SIPA1L1: variants seen among roughly 807,000 people sequenced by gnomAD.
The protein encoded by SIPA1L1 is signal induced proliferation associated 1 like 1, also known as signal-induced proliferation-associated 1-like protein 1.
In SIPA1L1, 26 loss-of-function variants were observed where a neutral mutation model predicts 162.7. The ratio of observed to expected loss-of-function variants is 0.16; its 90% CI spans 0.12 to 0.22. The LOEUF (loss-of-function observed/expected upper bound fraction) is 0.22, where lower values mean the gene tolerates loss of function less well. Ranked by LOEUF, SIPA1L1 falls within the 10% of genes least tolerant of loss-of-function variation. The pLI is 1.00. For synonymous variants in SIPA1L1, 829 were observed against 837.4 expected, an observed-to-expected ratio of 0.99 and a Z score of 0.17; for missense variants, 1,874 against 2,241.0, an observed-to-expected ratio of 0.84 and a Z score of 3.31.
intron 2 of SIPA1L1, among the ~76,000 whole-genome samples, chr14:71,446,896 T>TTTTTTTTTTG (rs1414768494): frequency 3.3e-5 from 3 of 91,256 alleles, no homozygotes; most frequent in Non-Finnish European, 5.9e-5. Flanking sequence ...TGGGCTCTGT[T>TTTTTTTTTTG]TTTTTTTTTG....
chr14:71,465,525 A>C (rs914387094), intron 2 of SIPA1L1, among the ~76,000 whole-genome samples: 2 of 152,192 alleles, frequency 1.3e-5, no homozygotes, highest in Non-Finnish European at 2.9e-5. Context: ...GTAGTGTCAA[A>C]TGCATTTATT....
chr14:71,447,325 G>A (rs1362747135), intron 2 of SIPA1L1, among the ~76,000 whole-genome samples: 2 of 152,152 alleles, frequency 1.3e-5, no homozygotes, highest in Admixed American at 6.5e-5. Flanking sequence ...ATAAGAGGCA[G>A]TTTAGATCTA....
At chr14:71,648,373 C>T (rs1481965092) in intron 7 of SIPA1L1, among the ~76,000 whole-genome samples, 1 of 152,144 alleles carries the variant, frequency 6.6e-6, no homozygotes, top group African/African-American at 2.4e-5. Flanking sequence ...GTCAGCTAAG[C>T]AGGGTGCAGG....
intron 4 of SIPA1L1, among the ~76,000 whole-genome samples, chr14:71,562,898 G>A (rs1472060593): frequency 1.3e-5 from 2 of 152,052 alleles, no homozygotes; most frequent in African/African-American, 2.4e-5. Flanking sequence ...CAAGTGATCC[G>A]CCCGCCTCGG....
chr14:71,736,313 C>T (rs1047406593), intron 22 of SIPA1L1, among the ~76,000 whole-genome samples: 6 of 152,366 alleles, frequency 3.9e-5, no homozygotes, highest in African/African-American at 1.4e-4. Context: ...ATGAGAATCA[C>T]TTGAACCCAG....
rs117446116 is a variant in SIPA1L1, at chr14:71,556,254, C to T, written c.-303+26884C>T. Among the ~76,000 whole-genome samples, 195 of 152,276 alleles carry T rather than the reference C, an allele frequency of 1.3e-3. 1 individual carries two copies. In the East Asian group the frequency reaches 0.032, roughly 25 times the overall value. Reference sequence around the variant, plus strand: ...TACTGTTTCAGAAAAACTCTCAAACCGTGTCTTTCCTCTGCTTTCATACCA... The same window carrying T: ...TACTGTTTCAGAAAAACTCTCAAACTGTGTCTTTCCTCTGCTTTCATACCA... On this transcript the variant is annotated intron_variant, in intron 4 of 23. Transcript: ENST00000381232.
chr14:71,715,206 C>G (rs2083175808), intron 17 of SIPA1L1, among the ~76,000 whole-genome samples: 1 of 152,226 alleles, frequency 6.6e-6, no homozygotes, highest in African/African-American at 2.4e-5. Context: ...AGATTTGGAG[C>G]CTGAGACCCT....
At chr14:71,657,628 G>C (rs932753867) in intron 8 of SIPA1L1, among the ~76,000 whole-genome samples, 19 of 150,630 alleles carry the variant, frequency 1.3e-4, no homozygotes, top group African/African-American at 3.9e-4. Context: ...AGACGTTGCT[G>C]TGTCAACTTT....
intron 5 of SIPA1L1, among the ~76,000 whole-genome samples, chr14:71,608,772 G>A (rs1470591903): frequency 6.6e-6 from 1 of 152,040 alleles, no homozygotes; most frequent in Non-Finnish European, 1.5e-5. Flanking sequence ...GTGCATGCCT[G>A]TAATCCCAGC....
At chr14:71,356,625 A>C (rs565597183) in intron 2 of SIPA1L1, among the ~76,000 whole-genome samples, 2 of 146,456 alleles carry the variant, frequency 1.4e-5, no homozygotes, top group East Asian at 4.1e-4. Context: ...AGGCTGAGGC[A>C]GGAGGATCGC....
chr14:71,555,670 T>A (rs1289744323), intron 4 of SIPA1L1, among the ~76,000 whole-genome samples: 1 of 152,232 alleles, frequency 6.6e-6, no homozygotes, highest in Non-Finnish European at 1.5e-5. Context: ...CTAAGCTTAA[T>A]CATTTCTAGC....
In SIPA1L1 at chr14:71,537,531, G is replaced by C. The variant is rs76599843; in HGVS notation, c.-303+8161G>C. ...AGTTTACTACTTCTACACGAAGACA[G>C]ACTGATAGGTTTTTATTTTAGATAA... On this transcript the variant is annotated intron_variant, in intron 4 of 23. Coordinates refer to ENST00000381232, the MANE Select transcript of SIPA1L1 (RefSeq NM_001386936.1). 6.1e-3 allele frequency among the ~76,000 whole-genome samples: 933 copies of C among 152,292 alleles called. 12 individuals are homozygous for C. Among genetic ancestry groups the C allele is most frequent in the African/African-American group, 0.022 (901 of 41,562 alleles).
intron 7 of SIPA1L1, among the ~76,000 whole-genome samples, chr14:71,641,249 A>G (rs1164794643): frequency 6.6e-6 from 1 of 152,014 alleles, no homozygotes; most frequent in Non-Finnish European, 1.5e-5. Flanking sequence ...GATAAAAACA[A>G]GGAGTTCTGT....
chr14:71,338,914 A>G (rs949987516), intron 2 of SIPA1L1, among the ~76,000 whole-genome samples: 4 of 151,496 alleles, frequency 2.6e-5, no homozygotes, highest in African/African-American at 9.7e-5. Context: ...TTCTTTTTGT[A>G]TTTTTAGCAG....
chr14:71,487,876 A>G (rs1280423324), intron 2 of SIPA1L1, among the ~76,000 whole-genome samples: 2 of 152,252 alleles, frequency 1.3e-5, no homozygotes, highest in African/African-American at 4.8e-5. Flanking sequence ...AATATCTGCT[A>G]TATGCTGGGT....
intron 5 of SIPA1L1, among the ~76,000 whole-genome samples, chr14:71,609,780 G>C (rs748555466): frequency 1.3e-4 from 19 of 151,888 alleles, no homozygotes; most frequent in Non-Finnish European, 2.5e-4. Flanking sequence ...TCTTTGTAGT[G>C]ATGGTGTCTC....
At chr14:71,494,759 C>T (rs2049592488) in intron 2 of SIPA1L1, among the ~76,000 whole-genome samples, 2 of 152,134 alleles carry the variant, frequency 1.3e-5, no homozygotes. Context: ...CCTGCCTCAG[C>T]CTCCCGAGTA....
intron 5 of SIPA1L1, among the ~76,000 whole-genome samples, chr14:71,609,489 TG>T (rs1457086911): frequency 8.8e-5 from 13 of 148,228 alleles, no homozygotes; most frequent in African/African-American, 3.2e-4. Context: ...TTTATTGAGA[TG>T]GAGTCTTGCT....
intron 3 of SIPA1L1, among the ~76,000 whole-genome samples, chr14:71,519,393 A>G (rs1457925472): frequency 6.6e-6 from 1 of 152,202 alleles, no homozygotes; most frequent in Non-Finnish European, 1.5e-5. Context: ...TAGCACTGCC[A>G]TTGACAGTGC....
Sources: allele counts gnomAD v4.1 joint callset (sites outside exome capture counted in the v4.1 genomes callset), GRCh38; gene constraint gnomAD v4.1.1; transcripts MANE v1.5; gene names NCBI Gene and HGNC (gene_info 2026-07-23, HGNC 2026-07-21).